SGCZ: variants seen among roughly 807,000 people sequenced by gnomAD.
SGCZ encodes the protein zeta-sarcoglycan.
Under a neutral mutation model 41.3 loss-of-function variants are expected in SGCZ, and 40 were observed. That is an observed-to-expected ratio of 0.97 (90% CI 0.75 to 1.26). SGCZ has a LOEUF of 1.26. Ranked by LOEUF, SGCZ falls within the 50% of genes most tolerant of loss-of-function variation. The pLI is 0.00. For synonymous variants in SGCZ, 206 were observed against 137.5 expected (o/e 1.50, Z -3.49); for missense variants, 552 against 369.8 (o/e 1.49, Z -4.04).
chr8:14,991,377 C>T (rs1462957131), intron 1 of SGCZ, among the ~76,000 whole-genome samples: 4 of 152,118 alleles, frequency 2.6e-5, no homozygotes, highest in African/African-American at 9.7e-5. Context: ...CCTATTCAGG[C>T]AGACTCTGCA....
chr8:14,545,650 A>G (rs1585066408), intron 2 of SGCZ, among the ~76,000 whole-genome samples: 1 of 152,292 alleles, frequency 6.6e-6, no homozygotes, highest in East Asian at 1.9e-4. Context: ...GCCATCCACA[A>G]GGGCAAATGG....
intron 1 of SGCZ, among the ~76,000 whole-genome samples, chr8:15,215,816 CAT>C (rs1282290871): frequency 6.6e-6 from 1 of 152,128 alleles, no homozygotes; most frequent in Non-Finnish European, 1.5e-5. Flanking sequence ...ACTGACAAAA[CAT>C]ATTTTTAAAG....
intron 1 of SGCZ, among the ~76,000 whole-genome samples, chr8:14,642,765 T>A (rs1807069205): frequency 6.6e-6 from 1 of 151,490 alleles, no homozygotes; most frequent in Admixed American, 6.6e-5. Flanking sequence ...AAGAAATAAA[T>A]AATATATATA....
intron 4 of SGCZ, among the ~76,000 whole-genome samples, chr8:14,190,304 A>G (rs1229737349): frequency 1.3e-5 from 2 of 150,838 alleles, no homozygotes; most frequent in African/African-American, 2.4e-5. Flanking sequence ...GAGCCACAGC[A>G]CCCCGCCAGC....
chr8:14,527,645 A>G (rs958526916), intron 2 of SGCZ, among the ~76,000 whole-genome samples: 3 of 152,220 alleles, frequency 2.0e-5, no homozygotes, highest in South Asian at 2.1e-4. Flanking sequence ...TGACTATTTA[A>G]GCTTAAATTT....
chr8:14,456,836 A>T lies in SGCZ; in HGVS notation c.234+97896T>A, dbSNP rs548944582. On this transcript the variant is annotated intron_variant, in intron 2 of 7. Transcript: ENST00000382080. ...CTCGTGGCATACTGCTGTCTTTGTG[A>T]TAGTGACTGAGTTCTCATAAGATCT... Among the ~76,000 whole-genome samples the T allele has an allele frequency of 3.3e-4, 51 of 152,294 alleles. 1 individual carries two copies. Among genetic ancestry groups the T allele is most frequent in the African/African-American group, 1.2e-3 (49 of 41,570 alleles).
rs1177609330 is a variant in SGCZ at position 14,085,741 on chromosome 8, T to G, written c.*4702A>C. On this transcript the variant is annotated 3_prime_UTR_variant, in exon 8 of 8. Transcript: ENST00000382080. ...TTGTTATGCATGTATAAAAGAAAAG[T>G]GGACCACACTAATGATGTTTCCCTT... is the stretch of plus-strand genomic sequence containing the variant. Among the ~76,000 whole-genome samples the G allele has an allele frequency of 6.6e-6, 1 of 151,758 alleles. No homozygotes were observed. Among genetic ancestry groups the G allele is most frequent in the Non-Finnish European group, 1.5e-5 (1 of 67,792 alleles).
At chr8:14,288,018 A>G (rs776795879) in intron 3 of SGCZ, among the ~76,000 whole-genome samples, 98 of 152,158 alleles carry the variant, frequency 6.4e-4, no homozygotes, top group Non-Finnish European at 1.2e-3. Context: ...ATGAGAAGTA[A>G]ATTTGTATGC....
intron 1 of SGCZ, among the ~76,000 whole-genome samples, chr8:14,680,963 GGAAAAAAAA>G (rs1808424373): frequency 9.4e-6 from 1 of 106,186 alleles, no homozygotes; most frequent in Non-Finnish European, 1.8e-5. Context: ...AAAAAGAGTG[GGAAAAAAAA>G]AAAAAAAAAC....
At chr8:14,655,869 AC>A (rs1807549387) in intron 1 of SGCZ, among the ~76,000 whole-genome samples, 1 of 151,938 alleles carries the variant, frequency 6.6e-6, no homozygotes, top group Non-Finnish European at 1.5e-5. Flanking sequence ...ATACTATGCA[AC>A]CTTTTGTGGT....
At chr8:14,929,851 C>A (rs12546671) in intron 1 of SGCZ, among the ~76,000 whole-genome samples, 36,242 of 151,920 alleles carry the variant, frequency 0.24, 5,499 homozygotes, top group Non-Finnish European at 0.33. Flanking sequence ...AACAGAATGA[C>A]AGGCACGAAA....
chr8:14,277,074 C>G (rs1267965028), intron 3 of SGCZ, among the ~76,000 whole-genome samples: 2 of 152,142 alleles, frequency 1.3e-5, no homozygotes, highest in African/African-American at 4.8e-5. Context: ...TTGTCCAATT[C>G]TTTGTTCAAG....
intron 3 of SGCZ, among the ~76,000 whole-genome samples, chr8:14,266,743 C>A (rs1424971418): frequency 2.0e-5 from 3 of 151,954 alleles, no homozygotes; most frequent in African/African-American, 7.2e-5. Context: ...ATGATCAAAG[C>A]AACTAAGAGC....
intron 1 of SGCZ, among the ~76,000 whole-genome samples, chr8:14,669,906 A>G (rs977969278): frequency 6.6e-6 from 1 of 152,210 alleles, no homozygotes; most frequent in African/African-American, 2.4e-5. Flanking sequence ...ATTTTAGTCC[A>G]CATAGGAATT....
At chr8:14,239,396 C>T (rs5016286) in intron 3 of SGCZ, among the ~76,000 whole-genome samples, 151,578 of 152,262 alleles carry the variant, frequency 1, 75,454 homozygotes, top group East Asian at 1. Context: ...ATGAAACATC[C>T]TGCAGTTCAA....
At chr8:14,710,820 G>A (rs938811470) in intron 1 of SGCZ, among the ~76,000 whole-genome samples, 1 of 151,994 alleles carries the variant, frequency 6.6e-6, no homozygotes, top group Non-Finnish European at 1.5e-5. Context: ...TCTTTTTAAA[G>A]CAATTTTTTG....
intron 1 of SGCZ, among the ~76,000 whole-genome samples, chr8:14,720,197 T>G (rs948541744): frequency 1.4e-4 from 22 of 152,004 alleles, no homozygotes; most frequent in African/African-American, 5.3e-4. Context: ...TCAATAAATA[T>G]TTTATACTAC....
chr8:14,086,376 T>C lies in SGCZ; in HGVS notation c.*4067A>G, dbSNP rs118004943. Among the ~76,000 whole-genome samples, 155 of 151,848 alleles carry C rather than the reference T, an allele frequency of 1.0e-3. No homozygotes were observed. The Middle Eastern group carries it at 0.014, about 13-fold the overall frequency. ...TCATACAGAGATACCATGTTTGCAA[T>C]GAAATAATTTATTAGGAGTTTTATT... On this transcript the variant is annotated 3_prime_UTR_variant, in exon 8 of 8. Transcript: ENST00000382080.
rs1563339136 is a variant in SGCZ, at chr8:14,886,015, ATATATATATATATAT to A, written c.40-331104_40-331090del. On this transcript the variant is annotated intron_variant, in intron 1 of 7. Coordinates refer to ENST00000382080, the MANE Select transcript of SGCZ (RefSeq NM_139167.4). ...TATATATATATATATATATATATAT[ATATATATATATATAT>A]ATATAAAATTGTATACTTAGCTTTT... 3.5e-4 allele frequency among the ~76,000 whole-genome samples: 43 copies of A among 122,326 alleles called. 2 individuals are homozygous for A. Among genetic ancestry groups the A allele is most frequent in the African/African-American group, 1.2e-3 (41 of 33,202 alleles). The allele number at this position is 122,326 out of a possible 152,430, so 80.3% of individuals were successfully genotyped here.
Sources: allele counts gnomAD v4.1 joint callset (sites outside exome capture counted in the v4.1 genomes callset), GRCh38; gene constraint gnomAD v4.1.1; transcripts MANE v1.5; gene names NCBI Gene and HGNC (gene_info 2026-07-23, HGNC 2026-07-21).